Variants in RBM46 observed in about 807,000 individuals in gnomAD.
The protein encoded by RBM46 is probable RNA-binding protein 46.
In RBM46, 12 loss-of-function variants were observed where a neutral mutation model predicts 43.3. The ratio of observed to expected loss-of-function variants is 0.28; its 90% confidence interval spans 0.18 to 0.45. The LOEUF (loss-of-function observed/expected upper bound fraction) is 0.45, where lower values mean the gene tolerates loss of function less well. RBM46 is among the 20% of genes least tolerant of loss of function. RBM46 has a pLI of 1.00. For missense variants in RBM46, 412 were observed against 639.1 expected (o/e 0.64, Z 3.83); for synonymous variants, 205 against 207.6 (o/e 0.99, Z 0.11).
At chr4:154,810,906 C>CT (rs1269455589) in intron 4 of RBM46, among the ~76,000 whole-genome samples, 1 of 152,172 alleles carries the variant, frequency 6.6e-6, no homozygotes, top group Non-Finnish European at 1.5e-5. Flanking sequence ...CTTTTGCTTA[C>CT]TATTCATTCC....
At position 154,828,056 on chromosome 4, in the gene RBM46, T is replaced by G; in HGVS notation, c.1591T>G (p.Ser531Ala). 6.2e-7 allele frequency: 1 copy of G among 1,609,688 alleles called. No homozygotes were observed. Among genetic ancestry groups the G allele is most frequent in the Non-Finnish European group, 8.5e-7 (1 of 1,176,020 alleles). ...GQRLCISNQASFF is the reference protein window; with the variant it reads ...GQRLCISNQAAFF The stretch of plus-strand genomic sequence containing the variant: ...GCGGCTATGTATCTCCAATCAGGCC[T>G]CCTTCTTCTGAAGAAAATACTAACA... The change falls in exon 5 of 5, where the codon TCC (serine) becomes GCC (alanine). Residue 531 changes from serine (S) to alanine (A), a missense_variant. Ser to Ala is a moderately conservative substitution (Grantham distance 99). This residue lies in a region of RBM46 where 149 missense variants were observed against 156.3 expected (regional missense o/e 0.95). Transcript: ENST00000281722.
At chr4:154,808,339 A>G (rs1735009980) in intron 4 of RBM46, among the ~76,000 whole-genome samples, 1 of 151,966 alleles carries the variant, frequency 6.6e-6, no homozygotes, top group Non-Finnish European at 1.5e-5. Flanking sequence ...TTGTCCTTCC[A>G]TTATATAGTC....
intron 1 of RBM46, among the ~76,000 whole-genome samples, chr4:154,787,900 A>G (rs1249488314): frequency 3.3e-5 from 5 of 152,060 alleles, no homozygotes; most frequent in African/African-American, 1.2e-4. Context: ...ATGGTATCTC[A>G]TTGTGGTTTT....
intron 1 of RBM46, among the ~76,000 whole-genome samples, chr4:154,795,334 C>T (rs545994618): frequency 6.6e-6 from 1 of 152,280 alleles, no homozygotes; most frequent in South Asian, 2.1e-4. Context: ...TGAGTCTGCA[C>T]TTTATAACAC....
intron 4 of RBM46, among the ~76,000 whole-genome samples, chr4:154,821,210 G>C (rs1051480139): frequency 2.6e-5 from 4 of 151,816 alleles, no homozygotes; most frequent in Admixed American, 2.0e-4. Context: ...TATTTTTACA[G>C]ATCTTAATCT....
At chr4:154,790,164 A>G (rs1026947412) in intron 1 of RBM46, 8 of 151,948 alleles carry the variant, frequency 5.3e-5, no homozygotes, top group South Asian at 2.1e-4. Flanking sequence ...TTGTGTCTCT[A>G]TCTCCTTCAG....
At chr4:154,802,674 TC>T (rs145469164) in intron 4 of RBM46, among the ~76,000 whole-genome samples, 32,739 of 152,150 alleles carry the variant, frequency 0.22, 4,113 homozygotes, top group Middle Eastern at 0.3. Flanking sequence ...CAAACGAAGT[TC>T]CTTACCTATT....
chr4:154,828,021 A>G lies in RBM46; in HGVS notation c.1556A>G (p.His519Arg), dbSNP rs1366681068. ...ACAATATCACTTGCTAATGGCAGCCATGTTGGACAGCGGCTATGTATCTCC... is the reference window on the plus strand; with the variant it reads ...ACAATATCACTTGCTAATGGCAGCCGTGTTGGACAGCGGCTATGTATCTCC... ...SPTISLANGS[H>R]VGQRLCISNQ... Residue 519 changes from histidine (H) to arginine (R), a missense_variant, in exon 5 of 5, where the codon CAT becomes CGT. This residue lies in a region of RBM46 where 149 missense variants were observed against 156.3 expected (regional missense o/e 0.95). Transcript: ENST00000281722. The G allele has an allele frequency of 6.8e-6, 11 of 1,613,878 alleles. No individual in the cohort carries two copies. The African/African-American group carries it at 1.3e-4, about 20-fold the overall frequency.
At chr4:154,816,770 T>G (rs1735464065) in intron 4 of RBM46, among the ~76,000 whole-genome samples, 1 of 152,078 alleles carries the variant, frequency 6.6e-6, no homozygotes, top group Non-Finnish European at 1.5e-5. Context: ...CTTATAAACT[T>G]TCAGTATTTC....
rs937056121 is a variant in RBM46 at position 154,822,324 on chromosome 4, G to A, written c.1403-5544G>A. On this transcript the variant is annotated intron_variant, in intron 4 of 4. Coordinates refer to ENST00000281722, the MANE Select transcript of RBM46 (RefSeq NM_144979.5). Reference sequence around the variant, plus strand: ...GCATTTTCTAGAATTTCAACCCCTTGCTTTCGAAGGTTTAAATCGTAATCT... The same window carrying A: ...GCATTTTCTAGAATTTCAACCCCTTACTTTCGAAGGTTTAAATCGTAATCT... Among the ~76,000 whole-genome samples the A allele has an allele frequency of 2.0e-5, 3 of 151,392 alleles. No homozygotes were observed. In the East Asian group the frequency reaches 5.8e-4, roughly 29 times the overall value.
intron 4 of RBM46, chr4:154,826,983 A>G (rs1246320841): frequency 1.6e-6 from 2 of 1,285,608 alleles, no homozygotes; most frequent in East Asian, 5.8e-5. Context: ...TTTCTAAATA[A>G]TGATTTTATA....
intron 4 of RBM46, among the ~76,000 whole-genome samples, chr4:154,802,269 C>T (rs1158848742): frequency 6.6e-6 from 1 of 152,028 alleles, no homozygotes; most frequent in East Asian, 1.9e-4. Context: ...TTCAGGGAAG[C>T]AGAAGAGCCA....
intron 1 of RBM46, among the ~76,000 whole-genome samples, chr4:154,795,000 A>G (rs895675771): frequency 6.6e-6 from 1 of 152,132 alleles, no homozygotes; most frequent in African/African-American, 2.4e-5. Context: ...GGAATAGTGC[A>G]TAGAATATAG....
At chr4:154,822,239 C>A (rs1735752681) in intron 4 of RBM46, among the ~76,000 whole-genome samples, 1 of 151,552 alleles carries the variant, frequency 6.6e-6, no homozygotes, top group Non-Finnish European at 1.5e-5. Context: ...TGCCCGATGC[C>A]CCATTGTAAT....
At chr4:154,808,734 T>A (rs906634534) in intron 4 of RBM46, among the ~76,000 whole-genome samples, 4 of 152,068 alleles carry the variant, frequency 2.6e-5, no homozygotes, top group Admixed American at 2.6e-4. Flanking sequence ...TTCTGCACTA[T>A]AAATAATTCA....
At chr4:154,810,527 G>T (rs995475282) in intron 4 of RBM46, among the ~76,000 whole-genome samples, 4 of 152,108 alleles carry the variant, frequency 2.6e-5, no homozygotes, top group African/African-American at 9.7e-5. Flanking sequence ...GTGGAAAAAA[G>T]ACTTTAGTCT....
chr4:154,826,666 GT>G (rs1268801349), intron 4 of RBM46: 3 of 697,386 alleles, frequency 4.3e-6, no homozygotes, highest in East Asian at 2.7e-5. Context: ...TCATAAAAAG[GT>G]TATAAAATTA....
At chr4:154,811,479 A>T (rs77594898) in intron 4 of RBM46, among the ~76,000 whole-genome samples, 18 of 152,196 alleles carry the variant, frequency 1.2e-4, no homozygotes, top group Non-Finnish European at 2.1e-4. Flanking sequence ...TATACTAAGT[A>T]CCATGTAAAT....
chr4:154,795,208 T>A (rs1017731959), intron 1 of RBM46, among the ~76,000 whole-genome samples: 3 of 152,216 alleles, frequency 2.0e-5, no homozygotes, highest in Non-Finnish European at 4.4e-5. Flanking sequence ...GAAACTATTA[T>A]TATCTACTTA....
Sources: gnomAD v4.1 joint callset for allele counts (sites outside exome capture counted in the v4.1 genomes callset) on GRCh38, gnomAD v4.1.1 for gene constraint, gnomAD v4.1.1 regional missense constraint, MANE v1.5 for transcripts, NCBI Gene and HGNC (gene_info 2026-07-23, HGNC 2026-07-21) for gene names.